KCNH5: variants seen among roughly 807,000 people sequenced by gnomAD.
KCNH5 encodes the protein voltage-gated delayed rectifier potassium channel KCNH5.
In KCNH5, 46 loss-of-function variants were observed where a neutral mutation model predicts 96.1. That is an observed-to-expected ratio of 0.48 (90% CI 0.38 to 0.61). The LOEUF (loss-of-function observed/expected upper bound fraction) is 0.61, where lower values mean the gene tolerates loss of function less well. KCNH5 is among the 20% of genes least tolerant of loss of function. The probability of loss-of-function intolerance (pLI) is 0.00; values close to 1 mark genes in which losing one functional copy is unlikely to be tolerated. For missense variants in KCNH5, 907 were observed against 1,225.8 expected, an observed-to-expected ratio of 0.74 and a Z score of 3.88; for synonymous variants, 439 against 449.8, an observed-to-expected ratio of 0.98 and a Z score of 0.30.
intron 10 of KCNH5, among the ~76,000 whole-genome samples, chr14:62,766,213 G>C (rs1275502935): frequency 1.3e-5 from 2 of 152,136 alleles, no homozygotes; most frequent in Non-Finnish European, 2.9e-5. Flanking sequence ...GGGACATCTT[G>C]TGCACTGTGG....
intron 3 of KCNH5, among the ~76,000 whole-genome samples, chr14:63,002,225 C>G (rs10145991): frequency 0.047 from 7,210 of 152,222 alleles, 199 homozygotes; most frequent in East Asian, 0.062. Flanking sequence ...CGAAGGATGG[C>G]TACTGCAGAC....
chr14:62,802,656 ATATT>A, intron 8 of KCNH5, 75 bp from the exon 9 acceptor site: 1 of 1,515,784 alleles, frequency 6.6e-7, no homozygotes, highest in Non-Finnish European at 9.0e-7. Context: ...CATCCAACAA[ATATT>A]TATTGACTAT....
chr14:62,793,701 T>G (rs562336958), intron 9 of KCNH5, among the ~76,000 whole-genome samples: 2 of 151,850 alleles, frequency 1.3e-5, no homozygotes, highest in South Asian at 4.1e-4. Context: ...TTTTGAACTT[T>G]TGTTCAAAAG....
intron 3 of KCNH5, among the ~76,000 whole-genome samples, chr14:63,005,703 G>A (rs564019840): frequency 6.6e-6 from 1 of 152,178 alleles, no homozygotes; most frequent in Non-Finnish European, 1.5e-5. Flanking sequence ...GTTGGTTTTT[G>A]TCATGTTGGT....
intron 10 of KCNH5, among the ~76,000 whole-genome samples, chr14:62,744,632 C>T (rs8022524): frequency 0.55 from 83,155 of 151,956 alleles, 23,683 homozygotes; most frequent in East Asian, 0.69. Flanking sequence ...GCATGAATTA[C>T]GAAGAGAAGT....
At chr14:62,792,340 A>G (rs374755383) in intron 9 of KCNH5, among the ~76,000 whole-genome samples, 27 of 151,654 alleles carry the variant, frequency 1.8e-4, no homozygotes, top group African/African-American at 6.3e-4. Context: ...TTACACACAT[A>G]AAGAATGAGC....
At chr14:62,935,070 T>C (rs1421430514) in intron 7 of KCNH5, among the ~76,000 whole-genome samples, 2 of 151,816 alleles carry the variant, frequency 1.3e-5, no homozygotes, top group African/African-American at 4.8e-5. Context: ...CTATGAAAGG[T>C]GGAAAAGTGG....
chr14:62,871,410 C>T (rs991572023), intron 7 of KCNH5, among the ~76,000 whole-genome samples: 18 of 152,164 alleles, frequency 1.2e-4, no homozygotes, highest in African/African-American at 3.6e-4. Flanking sequence ...GGGGCTCCAA[C>T]ATCATAACAG....
At chr14:63,001,273 A>T in intron 4 of KCNH5, 58 bp downstream of exon 4, 1 of 1,488,102 alleles carries the variant, frequency 6.7e-7, no homozygotes, top group Non-Finnish European at 9.1e-7. Flanking sequence ...GTAAAACAGT[A>T]AGAAGATCTT....
intron 8 of KCNH5, among the ~76,000 whole-genome samples, chr14:62,827,823 C>T (rs566419144): frequency 1.2e-4 from 19 of 152,190 alleles, no homozygotes; most frequent in Admixed American, 1.2e-3. Flanking sequence ...GTGATGCTTT[C>T]CTGAATTATA....
intron 4 of KCNH5, among the ~76,000 whole-genome samples, chr14:62,989,023 A>C (rs1321459033): frequency 6.8e-6 from 1 of 146,398 alleles, no homozygotes; most frequent in Non-Finnish European, 1.5e-5. Flanking sequence ...TTACCTACAC[A>C]CACACACATA....
rs369818038 is a variant in KCNH5, at chr14:62,866,127, G to T, written c.1370-16275C>A. 3.9e-5 allele frequency among the ~76,000 whole-genome samples: 6 copies of T among 152,284 alleles called. No homozygotes were observed. In the East Asian group the frequency reaches 5.8e-4, roughly 15 times the overall value. On this transcript the variant is annotated intron_variant, in intron 7 of 10. Transcript: ENST00000322893. ...GGGATTTGGAGAAACGTTGAGTGTTGTGCCTATAGAATGTTTCTATCTTCA... is the reference window on the plus strand; with the variant it reads ...GGGATTTGGAGAAACGTTGAGTGTTTTGCCTATAGAATGTTTCTATCTTCA...
chr14:62,802,471 G>T lies in KCNH5; in HGVS notation c.1680C>A (p.Arg560=), dbSNP rs114074278. Reference sequence around the variant, plus strand: ...TGGTTTGGAACTCTACCGCCAAGGCGCGCAGACACCCATCGCTGGCCAATC... The same window carrying T: ...TGGTTTGGAACTCTACCGCCAAGGCTCGCAGACACCCATCGCTGGCCAATC... ...AFRLASDGCL[R]ALAVEFQTIH... is the part of the protein sequence containing the mutation. Residue 560 remains arginine, a synonymous_variant, in exon 9 of 11, where the codon CGC becomes CGA. Coordinates refer to ENST00000322893, the MANE Select transcript of KCNH5 (RefSeq NM_139318.5). The T allele has an allele frequency of 3.5e-3, 5,588 of 1,614,090 alleles. 14 individuals carry two copies. The highest frequency in any genetic ancestry group is 4.3e-3 in the Non-Finnish European group (5,027 of 1,179,982).
intron 8 of KCNH5, among the ~76,000 whole-genome samples, chr14:62,843,245 A>G (rs1011026349): frequency 2.0e-5 from 3 of 152,178 alleles, no homozygotes; most frequent in Non-Finnish European, 4.4e-5. Flanking sequence ...TAAAATATCC[A>G]GCAGAAGTTG....
intron 7 of KCNH5, among the ~76,000 whole-genome samples, chr14:62,907,437 G>GT (rs1278702584): frequency 6.6e-6 from 1 of 152,134 alleles, no homozygotes; most frequent in East Asian, 1.9e-4. Context: ...CTATTTCCTA[G>GT]TTTATCGTGC....
chr14:62,898,144 A>C (rs1318336037), intron 7 of KCNH5, among the ~76,000 whole-genome samples: 1 of 152,208 alleles, frequency 6.6e-6, no homozygotes, highest in African/African-American at 2.4e-5. Flanking sequence ...ACACAGGTTG[A>C]AAAATATAAT....
chr14:62,998,743 T>C (rs1018417714), intron 4 of KCNH5, among the ~76,000 whole-genome samples: 3 of 152,208 alleles, frequency 2.0e-5, no homozygotes, highest in Admixed American at 6.5e-5. Context: ...TTCCAAATAT[T>C]TCAGGATCTT....
chr14:62,980,202 A>G (rs1222035559), intron 6 of KCNH5, among the ~76,000 whole-genome samples: 1 of 152,210 alleles, frequency 6.6e-6, no homozygotes, highest in Non-Finnish European at 1.5e-5. Context: ...TTCTGTTTAT[A>G]AATTACCCAG....
intron 4 of KCNH5, among the ~76,000 whole-genome samples, chr14:62,991,856 T>G (rs950661890): frequency 6.6e-6 from 1 of 152,092 alleles, no homozygotes; most frequent in African/African-American, 2.4e-5. Context: ...TATAAAGTTA[T>G]GAGGTACAAG....
Sources: allele counts gnomAD v4.1 joint callset (sites outside exome capture counted in the v4.1 genomes callset), GRCh38; gene constraint gnomAD v4.1.1; transcripts MANE v1.5; gene names NCBI Gene and HGNC (gene_info 2026-07-23, HGNC 2026-07-21).